The following ZYG11B variants were observed in gnomAD, a reference collection of about 807,000 sequenced individuals.
The protein encoded by ZYG11B is zyg-11 family member B, cell cycle regulator, also known as protein zyg-11 homolog B.
A neutral mutation model predicts 82.4 loss-of-function variants in ZYG11B; 36 were observed. The ratio of observed to expected loss-of-function variants is 0.44; its 90% CI spans 0.33 to 0.58. The LOEUF (loss-of-function observed/expected upper bound fraction) is 0.58, where lower values mean the gene tolerates loss of function less well. Among genes scored for constraint, ZYG11B ranks in the 20% least tolerant of loss-of-function variants. The probability of loss-of-function intolerance (pLI) is 0.02; values close to 1 mark genes in which losing one functional copy is unlikely to be tolerated. For missense variants in ZYG11B, 552 were observed against 895.6 expected (o/e 0.62, Z 4.90); for synonymous variants, 303 against 312.8 (o/e 0.97, Z 0.33).
At chr1:52,782,581 T>A (rs1160143784) in intron 4 of ZYG11B, among the ~76,000 whole-genome samples, 1 of 151,740 alleles carries the variant, frequency 6.6e-6, no homozygotes, top group Non-Finnish European at 1.5e-5. Context: ...AAAATAAATT[T>A]ATTTATTTAT....
chr1:52,784,801 C>G, intron 4 of ZYG11B, 76 bp from the exon 5 acceptor site: 1 of 1,478,980 alleles, frequency 6.8e-7, no homozygotes, highest in Non-Finnish European at 9.2e-7. Context: ...TACTATAGAC[C>G]AACAAAATAA....
chr1:52,762,117 C>CT (rs955090546), intron 2 of ZYG11B, among the ~76,000 whole-genome samples: 136 of 133,212 alleles, frequency 1.0e-3, no homozygotes, highest in African/African-American at 3.2e-3. Context: ...TGTAGGTTGT[C>CT]TTTCCACTCT....
chr1:52,727,501 T>A (rs1214993848), intron 1 of ZYG11B, among the ~76,000 whole-genome samples: 1 of 152,150 alleles, frequency 6.6e-6, no homozygotes, highest in Non-Finnish European at 1.5e-5. Context: ...TGTTTTGAAT[T>A]TTTTTTATTT....
At chr1:52,755,370 A>G (rs937958697) in intron 1 of ZYG11B, among the ~76,000 whole-genome samples, 7 of 152,260 alleles carry the variant, frequency 4.6e-5, no homozygotes, top group African/African-American at 7.2e-5. Flanking sequence ...CTATGTGTCT[A>G]TCCTTATGCT....
rs1396992984 is a variant in ZYG11B at position 52,823,831 on chromosome 1, CA to C, written c.*2206del. On this transcript the variant is annotated 3_prime_UTR_variant, in exon 14 of 14. Coordinates refer to ENST00000294353, the MANE Select transcript of ZYG11B (RefSeq NM_024646.3). ...ATAACTTCTTAATAGTTGAAGCATC[CA>C]AAATATGTAAAAGCAAGGGTGGGCG... The C allele has an allele frequency of 6.6e-6, 1 of 152,066 alleles. No homozygotes were observed. The highest frequency in any genetic ancestry group is 1.5e-5 in the Non-Finnish European group (1 of 68,016). 9.4% of individuals were successfully genotyped at this position (152,066 alleles called of 1,614,324 possible).
intron 13 of ZYG11B, among the ~76,000 whole-genome samples, chr1:52,817,775 GTGTATA>G (rs760383792): frequency 0.011 from 343 of 32,542 alleles, 18 homozygotes; most frequent in Admixed American, 0.056. Flanking sequence ...GTATATATAT[GTGTATA>G]TATATATATA....
chr1:52,798,819 A>G (rs1341651489), intron 8 of ZYG11B, among the ~76,000 whole-genome samples: 1 of 152,154 alleles, frequency 6.6e-6, no homozygotes, highest in East Asian at 1.9e-4. Flanking sequence ...GATATAAACA[A>G]TGTCTTAGGG....
chr1:52,782,424 C>T (rs993051086), intron 4 of ZYG11B, among the ~76,000 whole-genome samples: 5 of 151,766 alleles, frequency 3.3e-5, no homozygotes, highest in Admixed American at 1.3e-4. Flanking sequence ...GCTGTATTGC[C>T]CAAGCTGGAG....
At chr1:52,754,601 C>CA in intron 1 of ZYG11B, 1 of 152,302 alleles carries the variant, frequency 6.6e-6, no homozygotes, top group South Asian at 2.1e-4. Context: ...AGACTGGTCT[C>CA]AAACTGCTGG....
rs965315968 is a variant in ZYG11B at position 52,823,110 on chromosome 1, G to A, written c.*1481G>A. 6.6e-6 allele frequency: 1 copy of A among 151,936 alleles called. No individual in the cohort carries two copies. Among genetic ancestry groups the A allele is most frequent in the Admixed American group, 6.6e-5 (1 of 15,236 alleles). 9.4% of individuals were successfully genotyped at this position (151,936 alleles called of 1,614,324 possible). A position where few individuals can be genotyped will look rare whatever the true frequency, so the allele number is the denominator to read the frequency against. ...TACCATTATCACAATAATCAGACTT[G>A]AATTTTTTTTGGAGTTCCTTCATGT... On this transcript the variant is annotated 3_prime_UTR_variant, in exon 14 of 14. Coordinates refer to ENST00000294353, the MANE Select transcript of ZYG11B (RefSeq NM_024646.3).
At position 52,733,764 on chromosome 1, in the gene ZYG11B, C is replaced by G. The variant is rs1644355848; in HGVS notation, c.30+7081C>G. On this transcript the variant is annotated intron_variant, in intron 1 of 13. Coordinates refer to ENST00000294353, the MANE Select transcript of ZYG11B (RefSeq NM_024646.3). ...TTTCATCATCAATGTACTTATATTT[C>G]TTGTCTTTAACAGTTTGTTATACAA... is the stretch of plus-strand genomic sequence containing the variant. Among the ~76,000 whole-genome samples, 5 of 152,094 alleles carry G rather than the reference C, an allele frequency of 3.3e-5. 1 individual carries two copies. In the South Asian group the frequency reaches 1.0e-3, roughly 32 times the overall value.
chr1:52,809,244 TG>T (rs1480930020), intron 10 of ZYG11B, among the ~76,000 whole-genome samples: 1 of 152,216 alleles, frequency 6.6e-6, no homozygotes, highest in African/African-American at 2.4e-5. Flanking sequence ...TTTATAATGT[TG>T]TAGAACCATC....
At chr1:52,793,896 C>CTTCCTTCCTTCCTTCCTTCCTTCCTTCA (rs1268346317) in intron 6 of ZYG11B, among the ~76,000 whole-genome samples, 34 of 148,856 alleles carry the variant, frequency 2.3e-4, no homozygotes, top group African/African-American at 8.3e-4. Flanking sequence ...TCCTTCCTTC[C>CTTCCTTCCTTCCTTCCTTCCTTCCTTCA]TTCCTTTCTT....
At chr1:52,745,863 T>TG (rs1167529785) in intron 1 of ZYG11B, among the ~76,000 whole-genome samples, 6 of 108,514 alleles carry the variant, frequency 5.5e-5, no homozygotes, top group Non-Finnish European at 5.8e-5. Flanking sequence ...TGCATCCAGC[T>TG]GTTTTTTTTG....
chr1:52,741,426 T>G (rs1414108703), intron 1 of ZYG11B, among the ~76,000 whole-genome samples: 1 of 152,028 alleles, frequency 6.6e-6, no homozygotes, highest in African/African-American at 2.4e-5. Context: ...TTCTCATAGG[T>G]ACCTGTGAAC....
At chr1:52,738,203 A>C (rs1447937869) in intron 1 of ZYG11B, among the ~76,000 whole-genome samples, 1 of 152,056 alleles carries the variant, frequency 6.6e-6, no homozygotes, top group East Asian at 1.9e-4. Flanking sequence ...ACTTTTATTA[A>C]CTTTTTCTTT....
chr1:52,737,187 TC>T (rs1644385020), intron 1 of ZYG11B, among the ~76,000 whole-genome samples: 1 of 152,090 alleles, frequency 6.6e-6, no homozygotes, highest in African/African-American at 2.4e-5. Context: ...TGGTACTACT[TC>T]TTAATTATTA....
At chr1:52,812,186 G>A (rs1029092532) in intron 10 of ZYG11B, among the ~76,000 whole-genome samples, 2 of 151,852 alleles carry the variant, frequency 1.3e-5, no homozygotes, top group Non-Finnish European at 2.9e-5. Context: ...TCTTTGGATT[G>A]ATTTTTCTCC....
intron 6 of ZYG11B, among the ~76,000 whole-genome samples, chr1:52,790,781 T>TTC (rs1644952025): frequency 1.4e-5 from 2 of 147,438 alleles, no homozygotes; most frequent in Admixed American, 6.7e-5. Context: ...TTCTTTTTTT[T>TTC]TTTTTTTTTT....
Sources: allele counts gnomAD v4.1 joint callset (sites outside exome capture counted in the v4.1 genomes callset), GRCh38; gene constraint gnomAD v4.1.1; transcripts MANE v1.5; gene names NCBI Gene and HGNC (gene_info 2026-07-23, HGNC 2026-07-21).